The following HECTD4 variants were observed in gnomAD, a reference collection of about 807,000 sequenced individuals.
HECTD4 encodes probable E3 ubiquitin-protein ligase HECTD4.
HECTD4 carries 114 observed loss-of-function variants against 471.5 expected under a neutral mutation model. The observed-to-expected ratio is 0.24, with a 90% confidence interval of 0.21 to 0.28. The LOEUF is 0.28. Among genes scored for constraint, HECTD4 ranks in the 10% least tolerant of loss-of-function variants. The pLI is 1.00. For synonymous variants in HECTD4, 2,012 were observed against 2,256.0 expected (o/e 0.89, Z 3.07); for missense variants, 3,866 against 5,651.5 (o/e 0.68, Z 10.13).
At chr12:112,298,248 T>C (rs2035084422) in intron 7 of HECTD4, among the ~76,000 whole-genome samples, 1 of 152,078 alleles carries the variant, frequency 6.6e-6, no homozygotes, top group African/African-American at 2.4e-5. Flanking sequence ...TGGGATATAC[T>C]CTAACGTATC....
At chr12:112,205,088 G>C (rs2032535228) in intron 52 of HECTD4, among the ~76,000 whole-genome samples, 1 of 146,096 alleles carries the variant, frequency 6.8e-6, no homozygotes, top group African/African-American at 2.6e-5. Context: ...AGCCAAGCTG[G>C]CGCCACTGCA....
intron 24 of HECTD4, 45 bp downstream of exon 24, chr12:112,250,926 T>C: frequency 1.3e-6 from 2 of 1,542,586 alleles, no homozygotes; most frequent in Non-Finnish European, 1.7e-6. Context: ...TAAAGTCCTT[T>C]TTCCTTTGCA....
In HECTD4 at chr12:112,237,108, T is replaced by A. The variant is rs1259257628; in HGVS notation, c.5291-10A>T. The A allele has an allele frequency of 6.5e-7, 1 of 1,545,910 alleles. No homozygotes were observed. The highest frequency in any genetic ancestry group is 8.7e-7 in the Non-Finnish European group (1 of 1,144,830). ...GCCTCTGTGGAGCCACCTTCACAGT[T>A]AAAGAAAGAAAAAAAGAGATTGGTG... On this transcript the variant is annotated splice_polypyrimidine_tract_variant and intron_variant, in intron 34 of 75. Coordinates refer to ENST00000682272, the MANE Select transcript of HECTD4 (RefSeq NM_001388303.1).
intron 25 of HECTD4, 30 bp from the exon 26 acceptor site, chr12:112,248,542 T>C (rs1227748775): frequency 5.5e-6 from 8 of 1,459,396 alleles, no homozygotes; most frequent in East Asian, 2.3e-5. Flanking sequence ...CAGTCAGATA[T>C]ATGCCATGCT....
At chr12:112,325,359 G>C (rs577597854) in intron 1 of HECTD4, among the ~76,000 whole-genome samples, 42 of 152,282 alleles carry the variant, frequency 2.8e-4, no homozygotes, top group Admixed American at 5.2e-4. Context: ...TATGCTTTCA[G>C]AAATCCATTA....
chr12:112,216,112 C>T (rs1006680258), intron 48 of HECTD4, among the ~76,000 whole-genome samples, 180 bp downstream of exon 48: 1 of 152,116 alleles, frequency 6.6e-6, no homozygotes, highest in Non-Finnish European at 1.5e-5. Context: ...GCTCTAATGG[C>T]GAGGGCTCAT....
chr12:112,180,331 T>A (rs559052513), intron 62 of HECTD4, among the ~76,000 whole-genome samples: 2 of 151,974 alleles, frequency 1.3e-5, no homozygotes, highest in Non-Finnish European at 2.9e-5. Context: ...GTGGGTCACA[T>A]GAGGTAAGGA....
chr12:112,216,709 C>A lies in HECTD4; in HGVS notation c.7385+64G>T, dbSNP rs2032927370. On this transcript the variant is annotated intron_variant, in intron 47 of 75. Transcript: ENST00000682272. Reference sequence around the variant, plus strand: ...CAGAACTCTATTTTGACTTCCTGAACACCTATACACACCTTGTGGGAGGCT... The same window carrying A: ...CAGAACTCTATTTTGACTTCCTGAAAACCTATACACACCTTGTGGGAGGCT... 3 of 1,542,946 alleles carry A rather than the reference C, an allele frequency of 1.9e-6. No individual in the cohort carries two copies. In the Admixed American group the frequency reaches 5.6e-5, roughly 29 times the overall value.
intron 44 of HECTD4, among the ~76,000 whole-genome samples, chr12:112,222,804 A>G (rs2033136507): frequency 6.6e-6 from 1 of 152,252 alleles, no homozygotes; most frequent in Non-Finnish European, 1.5e-5. Context: ...ACTGCACTCC[A>G]GCCTGGGTGA....
rs768828044 is a variant in HECTD4, at chr12:112,339,583, G to GGT, written c.178-19843_178-19842dup. Reference sequence around the variant, plus strand: ...ATGGTAGGATCACAGGAAAATAAGGGGTGTGTGTGTGTGTGTATGTTTGTG... The same window carrying GGT: ...ATGGTAGGATCACAGGAAAATAAGGGGTGTGTGTGTGTGTGTGTATGTTTGTG... On this transcript the variant is annotated intron_variant, in intron 1 of 75. Coordinates refer to ENST00000682272, the MANE Select transcript of HECTD4 (RefSeq NM_001388303.1). 3.5e-3 allele frequency among the ~76,000 whole-genome samples: 523 copies of GGT among 151,098 alleles called. 1 individual carries two copies. The highest frequency in any genetic ancestry group is 0.011 in the African/African-American group (439 of 41,112).
Position 112,184,263 on chromosome 12 carries a change from C to A in HECTD4, c.10703G>T (p.Gly3568Val), listed in dbSNP as rs1432623576. ...NAETASVSDM[G>V]SMYTVTSLDN... ...CAGGGAAGTGACTGTGTACATGGAG[C>A]CCATGTCCGACACCGAGGCCGTCTC... Residue 3568 changes from glycine to valine, a missense_variant, in exon 61 of 76, where the codon GGC becomes GTC. By Grantham distance (109) the Gly-to-Val change is moderately radical. Around this residue, in one of 16 missense-constraint regions of HECTD4, gnomAD observed 192 missense variants for 189.9 expected, o/e 1.01. Transcript: ENST00000682272. This position sits in a 1 kb window ranked among gnomAD's most constrained non-coding sequence, Gnocchi z 9.1. 1 of 1,613,402 alleles carries A rather than the reference C, an allele frequency of 6.2e-7. No individual in the cohort carries two copies. The highest frequency in any genetic ancestry group is 8.5e-7 in the Non-Finnish European group (1 of 1,179,880).
At chr12:112,342,777 C>T (rs2036075876) in intron 1 of HECTD4, among the ~76,000 whole-genome samples, 1 of 152,138 alleles carries the variant, frequency 6.6e-6, no homozygotes, top group Non-Finnish European at 1.5e-5. Flanking sequence ...CAAATTATGC[C>T]ATGTCATACC....
At position 112,217,004 on chromosome 12, in the gene HECTD4, CAA is replaced by C. The variant is rs755620053; in HGVS notation, c.7236+28_7236+29del. The C allele has an allele frequency of 1.4e-5, 22 of 1,594,134 alleles. 1 individual carries two copies. In the South Asian group the frequency reaches 2.0e-4, roughly 14 times the overall value. On this transcript the variant is annotated intron_variant, in intron 46 of 75. Coordinates refer to ENST00000682272, the MANE Select transcript of HECTD4 (RefSeq NM_001388303.1). The stretch of plus-strand genomic sequence containing the variant: ...GCTTTTTCTTTCAAATCTGAAGATG[CAA>C]AAGACAGTGTGTCATGTGATGTCTC...
Position 112,229,694 on chromosome 12 carries a change from G to A in HECTD4, c.6519+4C>T. 6.2e-7 allele frequency: 1 copy of A among 1,609,250 alleles called. No homozygotes were observed. Among genetic ancestry groups the A allele is most frequent in the Non-Finnish European group, 8.5e-7 (1 of 1,176,782 alleles). On this transcript the variant is annotated splice_donor_region_variant and intron_variant, in intron 41 of 75. Transcript: ENST00000682272. ...AATGATTTGGGGAACATGGTGGTTG[G>A]TACCTGAACCTCGGATCCTATCTTG...
In HECTD4 at chr12:112,377,409, C is replaced by A. The variant is rs933381536; in HGVS notation, c.177+4543G>T. Among the ~76,000 whole-genome samples the A allele has an allele frequency of 3.7e-4, 57 of 152,134 alleles. 1 individual carries two copies. The highest frequency in any genetic ancestry group is 5.9e-5 in the Non-Finnish European group (4 of 68,038). On this transcript the variant is annotated intron_variant, in intron 1 of 75. Coordinates refer to ENST00000682272, the MANE Select transcript of HECTD4 (RefSeq NM_001388303.1). ...CATATTTGTCATTGTCTATATCATC[C>A]CACTAAATTATAAGCTTTTTGAGGA...
intron 1 of HECTD4, among the ~76,000 whole-genome samples, chr12:112,324,540 T>C (rs889748051): frequency 6.6e-6 from 1 of 152,128 alleles, no homozygotes. Context: ...CAAACACACA[T>C]TACCTTTTTA....
rs2135779670 is a variant in HECTD4, at chr12:112,382,429, G to A, written c.-301C>T. Reference sequence around the variant, plus strand: ...AGTGAGACGCCATGTTGGGGGCGGGGCTCCCGGCATGCCTCGCGGAGCGGA... The same window carrying A: ...AGTGAGACGCCATGTTGGGGGCGGGACTCCCGGCATGCCTCGCGGAGCGGA... On this transcript the variant is annotated 5_prime_UTR_variant, in exon 1 of 76. Transcript: ENST00000682272. 3.8e-6 allele frequency: 1 copy of A among 264,294 alleles called. No individual in the cohort carries two copies. Among genetic ancestry groups the A allele is most frequent in the Non-Finnish European group, 6.9e-6 (1 of 144,158 alleles). The allele number at this position is 264,294 out of a possible 1,614,324, so 16.4% of individuals were successfully genotyped here.
At chr12:112,292,723 C>A (rs1293515709) in intron 7 of HECTD4, among the ~76,000 whole-genome samples, 1 of 152,046 alleles carries the variant, frequency 6.6e-6, no homozygotes. Context: ...AATAAAAATA[C>A]CGGGAAAAAA....
In HECTD4 at chr12:112,382,358, G is replaced by GCCGCCGCCA; in HGVS notation, c.-231_-230insTGGCGGCGG. 1 of 380,990 alleles carries GCCGCCGCCA rather than the reference G, an allele frequency of 2.6e-6. No individual in the cohort carries two copies. Among genetic ancestry groups the GCCGCCGCCA allele is most frequent in the Non-Finnish European group, 4.5e-6 (1 of 221,994 alleles). 23.6% of individuals were successfully genotyped at this position (380,990 alleles called of 1,614,324 possible). On this transcript the variant is annotated 5_prime_UTR_variant, in exon 1 of 76. Coordinates refer to ENST00000682272, the MANE Select transcript of HECTD4 (RefSeq NM_001388303.1). Reference sequence around the variant, plus strand: ...CGCCGCCGCCGCCGCCGCCGCCGCCGCCCTCAGGAGCAGGATCCGCCTCTG... The same window carrying GCCGCCGCCA: ...CGCCGCCGCCGCCGCCGCCGCCGCCGCCGCCGCCACCCTCAGGAGCAGGATCCGCCTCTG...
Sources: allele counts gnomAD v4.1 joint callset (sites outside exome capture counted in the v4.1 genomes callset), GRCh38; gene constraint gnomAD v4.1.1; regional missense constraint gnomAD v4.1.1; non-coding constraint Gnocchi (gnomAD v3.1); transcripts MANE v1.5; gene names NCBI Gene and HGNC (gene_info 2026-07-23, HGNC 2026-07-21).